Variants in DOCK3 observed in about 807,000 individuals in gnomAD.
DOCK3 encodes dedicator of cytokinesis 3.
A neutral mutation model predicts 265.6 loss-of-function variants in DOCK3; 60 were observed. That is an observed-to-expected ratio of 0.23 (90% CI 0.18 to 0.28). The LOEUF is 0.28. Among genes scored for constraint, DOCK3 ranks in the 10% least tolerant of loss-of-function variants. DOCK3 has a pLI of 1.00. For missense variants in DOCK3, 1,981 were observed against 2,594.3 expected (o/e 0.76, Z 5.14); for synonymous variants, 881 against 938.0 (o/e 0.94, Z 1.11).
At chr3:50,694,717 A>G (rs2035495442) in intron 1 of DOCK3, among the ~76,000 whole-genome samples, 1 of 152,214 alleles carries the variant, frequency 6.6e-6, no homozygotes, top group African/African-American at 2.4e-5. Flanking sequence ...AGGCTGAGGT[A>G]TGAGAATCAC....
chr3:51,075,512 G>C, intron 7 of DOCK3, 72 bp downstream of exon 7: 1 of 1,299,694 alleles, frequency 7.7e-7, no homozygotes, highest in South Asian at 1.4e-5. Flanking sequence ...TTTCTCTAAT[G>C]TTATGAAACA....
intron 22 of DOCK3, among the ~76,000 whole-genome samples, chr3:51,249,161 G>C (rs1576532334): frequency 8.5e-6 from 1 of 118,056 alleles, no homozygotes; most frequent in African/African-American, 3.4e-5. Context: ...GGGGGGGTCA[G>C]CCCCCCGCCA....
intron 4 of DOCK3, among the ~76,000 whole-genome samples, chr3:50,918,818 G>C (rs1156546250): frequency 6.6e-6 from 1 of 152,166 alleles, no homozygotes; most frequent in Non-Finnish European, 1.5e-5. Context: ...TGGTGTTTTA[G>C]TCATGAAGTC....
chr3:50,797,287 T>C (rs1014425229), intron 2 of DOCK3, among the ~76,000 whole-genome samples: 1 of 152,224 alleles, frequency 6.6e-6, no homozygotes, highest in African/African-American at 2.4e-5. Flanking sequence ...GGCGCAGGCC[T>C]GTGTGTTATG....
chr3:51,308,907 C>A (rs1382263523), intron 27 of DOCK3, among the ~76,000 whole-genome samples: 1 of 145,438 alleles, frequency 6.9e-6, no homozygotes, highest in Admixed American at 6.8e-5. Context: ...ACTTCTCAGA[C>A]GGGGCGGCCG....
intron 1 of DOCK3, among the ~76,000 whole-genome samples, chr3:50,712,911 T>C (rs372203083): frequency 6.6e-6 from 1 of 152,188 alleles, no homozygotes; most frequent in East Asian, 1.9e-4. Context: ...GCTGCTGTTG[T>C]TGGGTGGAAT....
chr3:50,706,248 A>T (rs1410799827), intron 1 of DOCK3, among the ~76,000 whole-genome samples: 1 of 152,122 alleles, frequency 6.6e-6, no homozygotes, highest in Non-Finnish European at 1.5e-5. Context: ...ACTAATACAG[A>T]TGTGGGACTC....
chr3:51,179,046 A>G (rs1310058141), intron 12 of DOCK3, among the ~76,000 whole-genome samples: 1 of 152,220 alleles, frequency 6.6e-6, no homozygotes, highest in Non-Finnish European at 1.5e-5. Context: ...GAACGCTGTG[A>G]TAGTCAAAGA....
At chr3:51,324,754 A>T (rs962712003) in intron 32 of DOCK3, among the ~76,000 whole-genome samples, 3 of 152,214 alleles carry the variant, frequency 2.0e-5, no homozygotes, top group Non-Finnish European at 2.9e-5. Flanking sequence ...GGCCTCAGAA[A>T]TAACAACATG....
At chr3:51,253,866 A>C (rs200757928) in intron 22 of DOCK3, among the ~76,000 whole-genome samples, 1 of 151,698 alleles carries the variant, frequency 6.6e-6, no homozygotes, top group South Asian at 2.1e-4. Flanking sequence ...TATCTCCTTC[A>C]GTTCTGCTCT....
chr3:51,336,652 C>T (rs368692766), intron 35 of DOCK3, among the ~76,000 whole-genome samples: 3 of 152,148 alleles, frequency 2.0e-5, no homozygotes, highest in Admixed American at 6.5e-5. Context: ...GAAGTAGCCA[C>T]ACAGAAGTGA....
At chr3:51,005,574 CT>C in intron 5 of DOCK3, among the ~76,000 whole-genome samples, 1 of 152,236 alleles carries the variant, frequency 6.6e-6, no homozygotes, top group Middle Eastern at 3.4e-3. Flanking sequence ...AAAATGATTC[CT>C]TTCTTGGTAT....
chr3:51,066,748 T>C (rs980517995), intron 6 of DOCK3, among the ~76,000 whole-genome samples: 3 of 152,178 alleles, frequency 2.0e-5, no homozygotes, highest in African/African-American at 7.2e-5. Context: ...AAATTGGTAG[T>C]GTTCATCAGT....
At chr3:51,205,629 G>C (rs1484850467) in intron 12 of DOCK3, among the ~76,000 whole-genome samples, 2 of 152,114 alleles carry the variant, frequency 1.3e-5, no homozygotes, top group African/African-American at 4.8e-5. Context: ...CTGAGCCTGG[G>C]GAGGTGAAGG....
At chr3:50,905,744 T>C (rs895268382) in intron 4 of DOCK3, among the ~76,000 whole-genome samples, 1 of 152,128 alleles carries the variant, frequency 6.6e-6, no homozygotes, top group Non-Finnish European at 1.5e-5. Context: ...CCTAATTGAA[T>C]GCCCTTTATT....
chr3:50,909,203 G>A (rs748161732), intron 4 of DOCK3, among the ~76,000 whole-genome samples: 1 of 152,050 alleles, frequency 6.6e-6, no homozygotes, highest in Non-Finnish European at 1.5e-5. Flanking sequence ...GGGGCATTTA[G>A]CCCATTAACA....
At chr3:51,315,172 C>A in intron 32 of DOCK3, 44 bp downstream of exon 32, 1 of 1,528,442 alleles carries the variant, frequency 6.5e-7, no homozygotes, top group African/African-American at 1.4e-5. Flanking sequence ...GGAATGGATC[C>A]CTTCTGCTTA....
intron 5 of DOCK3, among the ~76,000 whole-genome samples, chr3:51,039,480 C>T (rs921732004): frequency 6.6e-6 from 1 of 152,134 alleles, no homozygotes; most frequent in Admixed American, 6.5e-5. Context: ...AATCACTCTC[C>T]AAATTACTGG....
At chr3:51,068,560 A>AAAAG (rs529031027) in intron 6 of DOCK3, among the ~76,000 whole-genome samples, 18 of 82,460 alleles carry the variant, frequency 2.2e-4, no homozygotes, top group Admixed American at 1.3e-3. Context: ...AAAAAAAAAA[A>AAAAG]AAGAAGAAGA....
Sources: gnomAD v4.1 joint callset for allele counts (sites outside exome capture counted in the v4.1 genomes callset) on GRCh38, gnomAD v4.1.1 for gene constraint, MANE v1.5 for transcripts, NCBI Gene and HGNC (gene_info 2026-07-23, HGNC 2026-07-21) for gene names.